The following CSMD1 variants were observed in gnomAD, a reference collection of about 807,000 sequenced individuals.
CSMD1 encodes the protein CUB and sushi domain-containing protein 1.
CSMD1 carries 213 observed loss-of-function variants against 417.5 expected under a neutral mutation model. That is an observed-to-expected ratio of 0.51 (90% CI 0.46 to 0.57). CSMD1 has a LOEUF of 0.57. Ranked by LOEUF, CSMD1 falls within the 20% of genes least tolerant of loss-of-function variation. The probability of loss-of-function intolerance (pLI) is 0.00; values close to 1 mark genes in which losing one functional copy is unlikely to be tolerated. For missense variants in CSMD1, 6,923 were observed against 4,529.7 expected (o/e 1.53, Z -15.17); for synonymous variants, 2,862 against 1,736.8 (o/e 1.65, Z -16.11).
At chr8:4,008,764 C>A (rs1337751508) in intron 4 of CSMD1, among the ~76,000 whole-genome samples, 1 of 151,818 alleles carries the variant, frequency 6.6e-6, no homozygotes, top group East Asian at 1.9e-4. Flanking sequence ...GCATCCGGCA[C>A]CACGCCTGGC....
chr8:3,575,005 C>T lies in CSMD1; in HGVS notation c.1284G>A (p.Pro428=), dbSNP rs372720663. Residue 428 remains proline (P), a synonymous_variant, in exon 10 of 70, where the codon CCG becomes CCA. Coordinates refer to ENST00000635120, the MANE Select transcript of CSMD1 (RefSeq NM_033225.6). The part of the protein sequence containing the change: ...PSGVITSPNY[P]VQYEDNAHCV... Reference sequence around the variant, plus strand: ...AGTGTGCATTATCTTCATACTGAACCGGATAATTAGGGGAGGTAATGACGC... The same window carrying T: ...AGTGTGCATTATCTTCATACTGAACTGGATAATTAGGGGAGGTAATGACGC... The T allele has an allele frequency of 1.8e-3, 2,886 of 1,613,268 alleles. 4 individuals carry two copies. The highest frequency in any genetic ancestry group is 2.4e-3 in the Non-Finnish European group (2,786 of 1,179,700).
chr8:4,810,884 T>C (rs143716029), intron 1 of CSMD1, among the ~76,000 whole-genome samples: 9 of 152,348 alleles, frequency 5.9e-5, no homozygotes, highest in African/African-American at 1.9e-4. Flanking sequence ...AACAGCCTTG[T>C]GTCTGAATCA....
rs151277464 is a variant in CSMD1, at chr8:4,182,794, G to A, written c.416-150695C>T. Among the ~76,000 whole-genome samples, 747 of 151,996 alleles carry A rather than the reference G, an allele frequency of 4.9e-3. 3 individuals are homozygous for A. The highest frequency in any genetic ancestry group is 7.1e-3 in the Non-Finnish European group (485 of 67,974). On this transcript the variant is annotated intron_variant, in intron 3 of 69. Transcript: ENST00000635120. The stretch of plus-strand genomic sequence containing the variant: ...AGTCTCATAGTTAAATGAAGTGAAG[G>A]GAATATAATCAAGTTAAAACATGCA...
chr8:4,164,267 G>A (rs1413717724), intron 3 of CSMD1, among the ~76,000 whole-genome samples: 2 of 151,886 alleles, frequency 1.3e-5, no homozygotes, highest in Non-Finnish European at 2.9e-5. Flanking sequence ...TGTTAAAAAA[G>A]ATTAATTTTC....
chr8:3,974,043 C>T (rs1813253086), intron 5 of CSMD1, among the ~76,000 whole-genome samples: 1 of 152,110 alleles, frequency 6.6e-6, no homozygotes, highest in Admixed American at 6.6e-5. Context: ...GTGAAGTTAT[C>T]ATTGACTATA....
At chr8:4,975,680 G>C (rs1334056076) in intron 1 of CSMD1, among the ~76,000 whole-genome samples, 1 of 152,164 alleles carries the variant, frequency 6.6e-6, no homozygotes, top group Non-Finnish European at 1.5e-5. Context: ...TCAAGAAGTA[G>C]GCAAAGGGCT....
chr8:3,558,164 A>G (rs1043508664), intron 10 of CSMD1, among the ~76,000 whole-genome samples: 127 of 129,578 alleles, frequency 9.8e-4, no homozygotes, highest in South Asian at 1.6e-3. Flanking sequence ...GTGCCTCAAT[A>G]GCACCCCGTG....
At chr8:2,946,024 G>A (rs1003699789) in intron 68 of CSMD1, among the ~76,000 whole-genome samples, 1 of 152,154 alleles carries the variant, frequency 6.6e-6, no homozygotes, top group Non-Finnish European at 1.5e-5. Context: ...GTGAGCATCA[G>A]AGTGCACTCA....
chr8:3,767,370 G>A (rs940508494), intron 5 of CSMD1, among the ~76,000 whole-genome samples: 6 of 152,214 alleles, frequency 3.9e-5, no homozygotes, highest in Admixed American at 1.3e-4. Flanking sequence ...CCTTTCCCAT[G>A]TGGGTGACCT....
chr8:3,845,544 C>A (rs1342597744), intron 5 of CSMD1, among the ~76,000 whole-genome samples: 1 of 152,162 alleles, frequency 6.6e-6, no homozygotes, highest in Non-Finnish European at 1.5e-5. Context: ...CCAGAAGTTG[C>A]TCTGGGTGTC....
chr8:3,056,576 C>T (rs1227450482), intron 49 of CSMD1, among the ~76,000 whole-genome samples: 2 of 151,968 alleles, frequency 1.3e-5, no homozygotes, highest in African/African-American at 4.8e-5. Context: ...CACTATGTTA[C>T]CCAGAATGGT....
At chr8:4,964,409 C>T (rs1434562194) in intron 1 of CSMD1, among the ~76,000 whole-genome samples, 1 of 144,438 alleles carries the variant, frequency 6.9e-6, no homozygotes, top group East Asian at 2.1e-4. Flanking sequence ...GTCCCAGCTA[C>T]CTGGGAAGCT....
intron 3 of CSMD1, among the ~76,000 whole-genome samples, chr8:4,080,581 G>C (rs13258708): frequency 0.082 from 12,438 of 152,224 alleles, 699 homozygotes; most frequent in Middle Eastern, 0.14. Flanking sequence ...GCATATTTAT[G>C]TATGATGTCA....
intron 40 of CSMD1, among the ~76,000 whole-genome samples, chr8:3,145,362 T>A (rs1818779875): frequency 2.6e-5 from 4 of 152,148 alleles, no homozygotes; most frequent in African/African-American, 9.7e-5. Flanking sequence ...CAGATATATT[T>A]ATCCAGAAAC....
chr8:4,232,419 G>C (rs1157218309), intron 3 of CSMD1, among the ~76,000 whole-genome samples: 1 of 152,078 alleles, frequency 6.6e-6, no homozygotes, highest in Non-Finnish European at 1.5e-5. Flanking sequence ...GCTTGGTCTT[G>C]AACTCCTGAC....
intron 2 of CSMD1, among the ~76,000 whole-genome samples, chr8:4,512,207 G>C (rs1171312494): frequency 6.6e-6 from 1 of 152,064 alleles, no homozygotes; most frequent in East Asian, 1.9e-4. Context: ...AACACATGCA[G>C]AGAAAAGCAA....
chr8:3,087,199 A>T lies in CSMD1; in HGVS notation c.7372T>A (p.Phe2458Ile). The change falls in exon 49 of 70, where the codon TTT becomes ATT. Residue 2458 changes from phenylalanine (F) to isoleucine (I), a missense_variant. Transcript: ENST00000635120. ...ACCATTCGGTATCCAGGCTTGCAAAAATAATGCACTTTGCTTCCAACCGCT... is the reference window on the plus strand; with the variant it reads ...ACCATTCGGTATCCAGGCTTGCAAATATAATGCACTTTGCTTCCAACCGCT... The part of the protein sequence containing the change: ...AGAVGSKVHY[F>I]CKPGYRMVGH... 1 of 1,614,006 alleles carries T rather than the reference A, an allele frequency of 6.2e-7. No individual in the cohort carries two copies.
chr8:3,058,793 C>G (rs994032150), intron 49 of CSMD1, among the ~76,000 whole-genome samples: 2 of 151,992 alleles, frequency 1.3e-5, no homozygotes, highest in African/African-American at 4.8e-5. Context: ...AGCCTTTGCC[C>G]ACACACGGTT....
chr8:3,560,583 G>C (rs1429412019), intron 10 of CSMD1, among the ~76,000 whole-genome samples: 1 of 152,088 alleles, frequency 6.6e-6, no homozygotes, highest in Non-Finnish European at 1.5e-5. Flanking sequence ...GAATGGGAGA[G>C]GAAGAAGGAA....
Sources: gnomAD v4.1 joint callset for allele counts (sites outside exome capture counted in the v4.1 genomes callset) on GRCh38, gnomAD v4.1.1 for gene constraint, MANE v1.5 for transcripts, NCBI Gene and HGNC (gene_info 2026-07-23, HGNC 2026-07-21) for gene names.